The following SAMMSON variants were observed in gnomAD, a reference collection of about 807,000 sequenced individuals.
SAMMSON encodes the protein survival associated mitochondrial melanoma specific oncogenic non-coding RNA.
At chr3:70,315,014 A>T (rs971635694) in intron 7 of SAMMSON, among the ~76,000 whole-genome samples, 2 of 152,162 alleles carry the variant, frequency 1.3e-5, no homozygotes, top group Non-Finnish European at 2.9e-5. Flanking sequence ...GATTACAGTT[A>T]TCCTTTGATA....
intron 4 of SAMMSON, among the ~76,000 whole-genome samples, chr3:70,077,998 C>T (rs192597923): frequency 2.0e-5 from 3 of 152,264 alleles, no homozygotes; most frequent in Non-Finnish European, 4.4e-5. Context: ...CCCGTTTATC[C>T]CTGCTGCAAT....
intron 7 of SAMMSON, among the ~76,000 whole-genome samples, chr3:70,326,008 C>T (rs550696869): frequency 7.2e-5 from 11 of 152,226 alleles, no homozygotes; most frequent in African/African-American, 9.6e-5. Context: ...TTCCTAGAAC[C>T]GCTCTCAGAA....
intron 4 of SAMMSON, among the ~76,000 whole-genome samples, chr3:70,161,220 A>C (rs2067614118): frequency 6.6e-6 from 1 of 151,966 alleles, no homozygotes; most frequent in Non-Finnish European, 1.5e-5. Flanking sequence ...TGTTGAAAAG[A>C]GGTGGTGAGA....
chr3:70,229,557 A>G (rs1021226340), intron 4 of SAMMSON, among the ~76,000 whole-genome samples: 1 of 152,202 alleles, frequency 6.6e-6, no homozygotes, highest in Non-Finnish European at 1.5e-5. Flanking sequence ...CTGAAGGGAC[A>G]TGGGCAGAAA....
chr3:70,360,877 C>T (rs908214041), intron 9 of SAMMSON, among the ~76,000 whole-genome samples: 10 of 151,856 alleles, frequency 6.6e-5, no homozygotes, highest in African/African-American at 2.4e-4. Context: ...TGAAGAAGCC[C>T]TATTTTATTA....
rs536148834 is a variant in SAMMSON, at chr3:70,099,263, C to T, written n.507+27698C>T. ...TGAATTGTTGGATCAAAGGTATTGGCGTTTTAAACTTTTATTGACCATTGC... is the reference window on the plus strand; with the variant it reads ...TGAATTGTTGGATCAAAGGTATTGGTGTTTTAAACTTTTATTGACCATTGC... On this transcript the variant is annotated intron_variant and non_coding_transcript_variant, in intron 4 of 9. Transcript: ENST00000642114. Among the ~76,000 whole-genome samples, 8 of 152,250 alleles carry T rather than the reference C, an allele frequency of 5.3e-5. No homozygotes were observed. In the East Asian group the frequency reaches 7.7e-4, roughly 15 times the overall value.
At chr3:70,223,948 T>A (rs1041460245) in intron 4 of SAMMSON, among the ~76,000 whole-genome samples, 2 of 152,150 alleles carry the variant, frequency 1.3e-5, no homozygotes, top group African/African-American at 4.8e-5. Context: ...TTGGTTTTGT[T>A]TCTTTCTTGA....
chr3:70,132,266 T>TGG (rs34728773), intron 4 of SAMMSON, among the ~76,000 whole-genome samples: 1 of 152,134 alleles, frequency 6.6e-6, no homozygotes, highest in Non-Finnish European at 1.5e-5. Flanking sequence ...CCGTTGACCA[T>TGG]GGGATGGTTC....
intron 3 of SAMMSON, among the ~76,000 whole-genome samples, chr3:70,062,075 G>T (rs565716204): frequency 1.3e-5 from 2 of 152,078 alleles, no homozygotes; most frequent in Non-Finnish European, 2.9e-5. Context: ...AGCCAAGTGC[G>T]TTGGTTTTTT....
At chr3:70,340,192 T>C (rs2106728165) in intron 7 of SAMMSON, among the ~76,000 whole-genome samples, 1 of 132,472 alleles carries the variant, frequency 7.5e-6, no homozygotes, top group South Asian at 2.4e-4. Flanking sequence ...GATTGAACAA[T>C]GAGAACACTT....
chr3:70,041,580 C>T (rs1456509807), intron 3 of SAMMSON, among the ~76,000 whole-genome samples: 1 of 151,612 alleles, frequency 6.6e-6, no homozygotes, highest in Non-Finnish European at 1.5e-5. Context: ...GTACAGTCAG[C>T]CCTTTGAATC....
At chr3:70,158,137 T>C (rs886993401) in intron 4 of SAMMSON, among the ~76,000 whole-genome samples, 11 of 152,120 alleles carry the variant, frequency 7.2e-5, no homozygotes, top group African/African-American at 2.2e-4. Flanking sequence ...CAACCATCAC[T>C]ACAAACTAGT....
chr3:70,153,434 C>G (rs1367706228), intron 4 of SAMMSON, among the ~76,000 whole-genome samples: 1 of 151,746 alleles, frequency 6.6e-6, no homozygotes. Flanking sequence ...CTCACTGCAA[C>G]GGATACCACT....
chr3:70,055,977 C>T (rs1050055085), intron 3 of SAMMSON, among the ~76,000 whole-genome samples: 3 of 152,014 alleles, frequency 2.0e-5, no homozygotes, highest in African/African-American at 7.2e-5. Context: ...CCTTTCTTGC[C>T]AAAAGTGTTG....
intron 6 of SAMMSON, among the ~76,000 whole-genome samples, chr3:70,280,664 A>G (rs549944638): frequency 9.8e-4 from 149 of 152,248 alleles, no homozygotes; most frequent in African/African-American, 3.5e-3. Flanking sequence ...GAGGCTGGCC[A>G]TAGAAACTAG....
At chr3:70,103,570 C>T (rs1334661648) in intron 4 of SAMMSON, among the ~76,000 whole-genome samples, 3 of 152,254 alleles carry the variant, frequency 2.0e-5, no homozygotes, top group East Asian at 3.9e-4. Flanking sequence ...TGAATCTCTT[C>T]GGTTACATCC....
intron 4 of SAMMSON, among the ~76,000 whole-genome samples, chr3:70,232,345 C>T (rs1362499731): frequency 1.3e-5 from 2 of 151,918 alleles, no homozygotes; most frequent in African/African-American, 2.4e-5. Flanking sequence ...GCACATGTGT[C>T]GAATGCCCAC....
At chr3:70,229,895 T>C (rs1432851506) in intron 4 of SAMMSON, among the ~76,000 whole-genome samples, 1 of 152,184 alleles carries the variant, frequency 6.6e-6, no homozygotes, top group African/African-American at 2.4e-5. Context: ...GGGATACAAC[T>C]TATATGTGAA....
At chr3:70,267,929 C>T (rs1701935719) in intron 6 of SAMMSON, among the ~76,000 whole-genome samples, 1 of 151,282 alleles carries the variant, frequency 6.6e-6, no homozygotes, top group Non-Finnish European at 1.5e-5. Context: ...TCCTTTTCTT[C>T]CCATCCCCTT....
Sources: allele counts gnomAD v4.1 joint callset (sites outside exome capture counted in the v4.1 genomes callset), GRCh38; gene constraint gnomAD v4.1.1; transcripts MANE v1.5; gene names NCBI Gene and HGNC (gene_info 2026-07-23, HGNC 2026-07-21).